Variants in KANSL1L observed in about 807,000 individuals in gnomAD.
KANSL1L encodes KAT8 regulatory NSL complex subunit 1 like.
Under a neutral mutation model 108.6 loss-of-function variants are expected in KANSL1L, and 25 were observed. That is an observed-to-expected ratio of 0.23 (90% confidence interval 0.17 to 0.32). The LOEUF (loss-of-function observed/expected upper bound fraction) is 0.32. Among genes scored for constraint, KANSL1L ranks in the 10% least tolerant of loss-of-function variants. The pLI is 1.00. For synonymous variants in KANSL1L, 405 were observed against 395.1 expected, an observed-to-expected ratio of 1.03 and a Z score of -0.30; for missense variants, 1,137 against 1,125.7, an observed-to-expected ratio of 1.01 and a Z score of -0.14.
intron 2 of KANSL1L, among the ~76,000 whole-genome samples, chr2:210,137,147 T>C (rs987352104): frequency 3.3e-5 from 5 of 152,154 alleles, no homozygotes; most frequent in African/African-American, 1.2e-4. Flanking sequence ...TTAATAAAAA[T>C]TAAAAATATC....
Position 210,025,084 on chromosome 2 carries a change from G to A in KANSL1L, c.2564+20C>T. On this transcript the variant is annotated intron_variant, in intron 13 of 14. Transcript: ENST00000281772. ...TTTCACATGGATTCTATGGCTTGGGGTTTTAAATTTGTAACCTGCCTGCTG... is the reference window on the plus strand; with the variant it reads ...TTTCACATGGATTCTATGGCTTGGGATTTTAAATTTGTAACCTGCCTGCTG... 1 of 1,465,480 alleles carries A rather than the reference G, an allele frequency of 6.8e-7. No homozygotes were observed. The allele number at this position is 1,465,480 out of a possible 1,614,324, so 90.8% of individuals were successfully genotyped here.
intron 8 of KANSL1L, among the ~76,000 whole-genome samples, chr2:210,037,905 AG>A (rs2094124792): frequency 6.6e-6 from 1 of 152,162 alleles, no homozygotes; most frequent in Non-Finnish European, 1.5e-5. Flanking sequence ...TATAAACAGC[AG>A]GCTTATTCAA....
At chr2:210,137,511 T>TA (rs907463783) in intron 2 of KANSL1L, among the ~76,000 whole-genome samples, 3 of 152,230 alleles carry the variant, frequency 2.0e-5, no homozygotes, top group Admixed American at 1.3e-4. Flanking sequence ...TAAAATGCTG[T>TA]AACAGAATGA....
intron 1 of KANSL1L, among the ~76,000 whole-genome samples, chr2:210,161,067 C>CA (rs1188761162): frequency 6.6e-6 from 1 of 151,246 alleles, no homozygotes; most frequent in Non-Finnish European, 1.5e-5. Flanking sequence ...CGGCTCACCG[C>CA]AACCTCCGCC....
At chr2:210,123,830 A>T (rs1174503898) in intron 3 of KANSL1L, among the ~76,000 whole-genome samples, 1 of 149,366 alleles carries the variant, frequency 6.7e-6, no homozygotes, top group Non-Finnish European at 1.5e-5. Flanking sequence ...AGTATTTTTT[A>T]AGTTAAAAAA....
intron 1 of KANSL1L, chr2:210,170,354 A>C: frequency 1.0e-6 from 1 of 985,360 alleles, no homozygotes; most frequent in Non-Finnish European, 1.2e-6. Flanking sequence ...CAAACAAAAA[A>C]ACAAACAAAA....
chr2:210,073,197 T>C (rs2094519360), intron 6 of KANSL1L, among the ~76,000 whole-genome samples: 1 of 152,140 alleles, frequency 6.6e-6, no homozygotes, highest in African/African-American at 2.4e-5. Context: ...AGGATAATCA[T>C]ACCTTTTCTT....
rs1165232535 is a variant in KANSL1L at position 210,022,232 on chromosome 2, T to G, written c.*717A>C. 6.6e-6 allele frequency: 1 copy of G among 152,088 alleles called. No homozygotes were observed. The highest frequency in any genetic ancestry group is 1.5e-5 in the Non-Finnish European group (1 of 67,972). The allele number at this position is 152,088 out of a possible 1,614,324, so 9.4% of individuals were successfully genotyped here. The stretch of plus-strand genomic sequence containing the variant: ...TTTAGTCCCAAAGATAGCAGTGATT[T>G]TGAATAAAGGAGTTTTGTGTTGCCT... On this transcript the variant is annotated 3_prime_UTR_variant, in exon 15 of 15. Coordinates refer to ENST00000281772, the MANE Select transcript of KANSL1L (RefSeq NM_152519.4).
intron 4 of KANSL1L, among the ~76,000 whole-genome samples, chr2:210,101,239 G>A (rs995781571): frequency 1.3e-5 from 2 of 152,166 alleles, no homozygotes; most frequent in Non-Finnish European, 2.9e-5. Context: ...GAGCGCAGAT[G>A]GAGGCTATGC....
intron 3 of KANSL1L, among the ~76,000 whole-genome samples, chr2:210,113,743 A>C (rs1056250272): frequency 1.3e-5 from 2 of 152,202 alleles, no homozygotes; most frequent in Non-Finnish European, 2.9e-5. Context: ...GAAAACCTGA[A>C]AAGAAACCAA....
chr2:210,073,328 T>C (rs575295556), intron 6 of KANSL1L, among the ~76,000 whole-genome samples: 2 of 152,240 alleles, frequency 1.3e-5, no homozygotes, highest in East Asian at 3.9e-4. Context: ...TAAGTCTGAG[T>C]CTACATCTGT....
chr2:210,144,378 A>G (rs1412834293), intron 2 of KANSL1L, among the ~76,000 whole-genome samples: 1 of 152,152 alleles, frequency 6.6e-6, no homozygotes, highest in Non-Finnish European at 1.5e-5. Flanking sequence ...GACGTTTTCA[A>G]TCATTATTTC....
intron 5 of KANSL1L, among the ~76,000 whole-genome samples, chr2:210,090,711 T>G (rs2094685750): frequency 6.6e-6 from 1 of 152,064 alleles, no homozygotes; most frequent in South Asian, 2.1e-4. Context: ...TTAAAAAAAT[T>G]TTGAAGAGAT....
At chr2:210,094,829 A>T (rs1276142501) in intron 5 of KANSL1L, among the ~76,000 whole-genome samples, 3 of 145,320 alleles carry the variant, frequency 2.1e-5, no homozygotes, top group Non-Finnish European at 3.0e-5. Flanking sequence ...TAAGGGATTA[A>T]AAAAAAAAAA....
chr2:210,034,329 G>T (rs2094069808), intron 8 of KANSL1L, among the ~76,000 whole-genome samples: 1 of 152,192 alleles, frequency 6.6e-6, no homozygotes, highest in African/African-American at 2.4e-5. Context: ...CCCAGATGAA[G>T]TGACAGACTC....
intron 6 of KANSL1L, among the ~76,000 whole-genome samples, chr2:210,074,940 G>A (rs1575478987): frequency 6.6e-6 from 1 of 152,222 alleles, no homozygotes; most frequent in South Asian, 2.1e-4. Context: ...AGCTGGTTTA[G>A]AAGTACACTA....
intron 3 of KANSL1L, among the ~76,000 whole-genome samples, chr2:210,119,598 T>C (rs1173986187): frequency 6.6e-6 from 1 of 152,166 alleles, no homozygotes; most frequent in Admixed American, 6.5e-5. Context: ...CATATGGTCA[T>C]TTCAATTGAT....
chr2:210,150,341 A>T (rs149874471), intron 2 of KANSL1L, among the ~76,000 whole-genome samples: 2 of 151,960 alleles, frequency 1.3e-5, no homozygotes, highest in South Asian at 2.1e-4. Context: ...GTAAAAAAAA[A>T]TTTTTTTTCT....
chr2:210,076,627 T>A (rs2094544216), intron 5 of KANSL1L, among the ~76,000 whole-genome samples: 1 of 151,960 alleles, frequency 6.6e-6, no homozygotes, highest in South Asian at 2.1e-4. Flanking sequence ...ATGAAATAGA[T>A]CACCTAAGCT....
Sources: allele counts gnomAD v4.1 joint callset (sites outside exome capture counted in the v4.1 genomes callset), GRCh38; gene constraint gnomAD v4.1.1; transcripts MANE v1.5; gene names NCBI Gene and HGNC (gene_info 2026-07-23, HGNC 2026-07-21).